The following HSPG2 variants were observed in gnomAD, a reference collection of about 807,000 sequenced individuals.
HSPG2 encodes heparan sulfate proteoglycan 2, also known as basement membrane-specific heparan sulfate proteoglycan core protein.
Under a neutral mutation model 526.6 loss-of-function variants are expected in HSPG2, and 278 were observed. That is an observed-to-expected ratio of 0.53 (90% CI 0.48 to 0.58). HSPG2 has a LOEUF of 0.58. Ranked by LOEUF, HSPG2 falls within the 20% of genes least tolerant of loss-of-function variation. The pLI is 0.00. For missense variants in HSPG2, 5,354 were observed against 6,099.5 expected (o/e 0.88, Z 4.07); for synonymous variants, 2,465 against 2,555.4 (o/e 0.96, Z 1.07).
At chr1:21,845,674 G>A (rs910561184) in intron 64 of HSPG2, among the ~76,000 whole-genome samples, 2 of 152,034 alleles carry the variant, frequency 1.3e-5, no homozygotes, top group Non-Finnish European at 2.9e-5. Context: ...CTACCACACC[G>A]GCTCTAATAA....
Position 21,829,986 on chromosome 1 carries a change from C to T in HSPG2, c.11770+7G>A, listed in dbSNP as rs1318343177. On this transcript the variant is annotated splice_region_variant and intron_variant, in intron 86 of 96. Transcript: ENST00000374695. ...ACCCTGGGGGTCTCAGGCCTGGCTC[C>T]CCTCACCTTCCTCACACCGCAACCC... 1 of 1,603,042 alleles carries T rather than the reference C, an allele frequency of 6.2e-7. No homozygotes were observed. Among genetic ancestry groups the T allele is most frequent in the East Asian group, 2.2e-5 (1 of 44,538 alleles).
At chr1:21,863,967 C>T (rs1271695107) in intron 37 of HSPG2, 133 bp downstream of exon 37, 3 of 733,156 alleles carry the variant, frequency 4.1e-6, no homozygotes, top group Non-Finnish European at 7.3e-6. Flanking sequence ...GGCCTGCTGA[C>T]CCAGGTGCTT....
Position 21,865,331 on chromosome 1 carries a change from G to T in HSPG2, c.4349C>A (p.Ala1450Glu). The T allele has an allele frequency of 1.2e-6, 2 of 1,614,110 alleles. No homozygotes were observed. Among genetic ancestry groups the T allele is most frequent in the South Asian group, 2.2e-5 (2 of 91,088 alleles). Residue 1450 changes from alanine (A) to glutamate (E), a missense_variant, in exon 35 of 97, where the codon GCG becomes GAG. Coordinates refer to ENST00000374695, the MANE Select transcript of HSPG2 (RefSeq NM_005529.7). The surrounding 1 kb of genome is among the most constrained non-coding windows in gnomAD (Gnocchi z 5.4). ...GCTCCTCCTCTCAGGGCCCTGCAGC[G>T]CTGGCTGGGAGGCCACTAGCATGAT... The part of the protein sequence containing the change: ...NNIMLVASQP[A>E]LQGPERRSYE...
chr1:21,876,520 G>T lies in HSPG2; in HGVS notation c.2818C>A (p.Arg940Ser). The T allele has an allele frequency of 6.2e-7, 1 of 1,614,158 alleles. No individual in the cohort carries two copies. Among genetic ancestry groups the T allele is most frequent in the Non-Finnish European group, 8.5e-7 (1 of 1,180,014 alleles). Residue 940 changes from arginine to serine, a missense_variant, in exon 22 of 97, where the codon CGT becomes AGT. Arg to Ser is a moderately radical substitution (Grantham distance 110). Coordinates refer to ENST00000374695, the MANE Select transcript of HSPG2 (RefSeq NM_005529.7). ...CCACCTTGCAGAGGTACCTGGGCAC[G>T]GCTCCATGAAGAGCTGGTGCAGTGG... ...SRHCTSSSWS[R>S]AQLHGASEEP...
intron 1 of HSPG2, among the ~76,000 whole-genome samples, chr1:21,934,085 C>T (rs565555431): frequency 1.3e-5 from 2 of 152,334 alleles, no homozygotes; most frequent in African/African-American, 2.4e-5. Context: ...CACCCAGGCC[C>T]AGCCCCCTCC....
At chr1:21,891,260 TA>T (rs959188147) in intron 3 of HSPG2, among the ~76,000 whole-genome samples, 2 of 152,258 alleles carry the variant, frequency 1.3e-5, no homozygotes, top group African/African-American at 4.8e-5. Flanking sequence ...TTGTGAGTTC[TA>T]AGGTCAGCCA....
In HSPG2 at chr1:21,855,383, A is replaced by G. The variant is rs1639254225; in HGVS notation, c.5918T>C (p.Val1973Ala). 1 of 1,612,800 alleles carries G rather than the reference A, an allele frequency of 6.2e-7. No homozygotes were observed. The highest frequency in any genetic ancestry group is 8.5e-7 in the Non-Finnish European group (1 of 1,179,752). The change falls in exon 47 of 97, where the codon GTC becomes GCC. Residue 1973 changes from valine (V) to alanine (A), a missense_variant. By Grantham distance (64) the Val-to-Ala change is moderately conservative. Coordinates refer to ENST00000374695, the MANE Select transcript of HSPG2 (RefSeq NM_005529.7). Reference sequence around the variant, plus strand: ...GCCTGCAGCCCTGCAGTACAGCCTGACGGTGCGGCCTGCGTGGACCTGGGT... The same window carrying G: ...GCCTGCAGCCCTGCAGTACAGCCTGGCGGTGCGGCCTGCGTGGACCTGGGT... Reference protein sequence around the residue: ...ERTQVHAGRTVRLYCRAAGVP... With the variant: ...ERTQVHAGRTARLYCRAAGVP...
rs765097470 is a variant in HSPG2, at chr1:21,841,051, G to A, written c.9513+50C>T. On this transcript the variant is annotated intron_variant, in intron 71 of 96. Coordinates refer to ENST00000374695, the MANE Select transcript of HSPG2 (RefSeq NM_005529.7). ...TATCTCCTCCAAGCACCCGCTCAAGGCTGGGCCATGGACTGGGCCTCAGAC... is the reference window on the plus strand; with the variant it reads ...TATCTCCTCCAAGCACCCGCTCAAGACTGGGCCATGGACTGGGCCTCAGAC... 6 of 1,538,966 alleles carry A rather than the reference G, an allele frequency of 3.9e-6. No homozygotes were observed. In the South Asian group the frequency reaches 7.1e-5, roughly 18 times the overall value.
intron 1 of HSPG2, among the ~76,000 whole-genome samples, chr1:21,935,000 GGGTTC>G (rs1416588328): frequency 6.6e-6 from 1 of 151,916 alleles, no homozygotes; most frequent in African/African-American, 2.4e-5. Context: ...TCCGCCTCCT[GGGTTC>G]AAGCGATTCT....
chr1:21,835,850 G>A (rs2098024314), intron 75 of HSPG2, among the ~76,000 whole-genome samples: 1 of 152,098 alleles, frequency 6.6e-6, no homozygotes, highest in South Asian at 2.1e-4. Context: ...CAGGCGTGGT[G>A]GCACACGCCT....
rs773458540 is a variant in HSPG2 at position 21,835,512 on chromosome 1, T to C, written c.10453+28A>G. 4.7e-6 allele frequency: 7 copies of C among 1,480,734 alleles called. No individual in the cohort carries two copies. The East Asian group carries it at 1.4e-4, about 29-fold the overall frequency. The allele number at this position is 1,480,734 out of a possible 1,614,324, so 91.7% of individuals were successfully genotyped here. ...CTTTCTCATCTCTGTTCCCTGCTCTTAGCAGAGGCCTGAAGCCACCCTCCT... is the reference window on the plus strand; with the variant it reads ...CTTTCTCATCTCTGTTCCCTGCTCTCAGCAGAGGCCTGAAGCCACCCTCCT... On this transcript the variant is annotated intron_variant, in intron 76 of 96. Transcript: ENST00000374695.
chr1:21,874,132 G>A (rs1640868777), intron 28 of HSPG2, 121 bp from the exon 29 acceptor site: 3 of 890,550 alleles, frequency 3.4e-6, no homozygotes, highest in Non-Finnish European at 5.3e-6. Context: ...TGTGTCCTCA[G>A]TGCCACTGCA....
Position 21,867,371 on chromosome 1 carries a change from C to T in HSPG2, c.4222-1562G>A, listed in dbSNP as rs1005552995. Among the ~76,000 whole-genome samples, 25 of 152,058 alleles carry T rather than the reference C, an allele frequency of 1.6e-4. 1 individual carries two copies. The highest frequency in any genetic ancestry group is 6.0e-4 in the African/African-American group (25 of 41,390). ...AAGTGCTGGGATTATAGGTGTGAGC[C>T]ATTGTACCCAGATCCAGCATAGTGA... is the stretch of plus-strand genomic sequence containing the variant. On this transcript the variant is annotated intron_variant, in intron 33 of 96. Coordinates refer to ENST00000374695, the MANE Select transcript of HSPG2 (RefSeq NM_005529.7).
rs888286701 is a variant in HSPG2 at position 21,839,117 on chromosome 1, G to T, written c.9890-32C>A. ...GGGGGGACACAGAGGTCAGGATTGG[G>T]GAGGGCAAAGGTCAGAATGGCAGCA... On this transcript the variant is annotated intron_variant, in intron 73 of 96. Coordinates refer to ENST00000374695, the MANE Select transcript of HSPG2 (RefSeq NM_005529.7). This position sits in a 1 kb window ranked among gnomAD's most constrained non-coding sequence, Gnocchi z 4.5. 1.3e-6 allele frequency: 2 copies of T among 1,558,668 alleles called. No homozygotes were observed. The highest frequency in any genetic ancestry group is 1.7e-6 in the Non-Finnish European group (2 of 1,149,620).
intron 1 of HSPG2, among the ~76,000 whole-genome samples, chr1:21,927,738 G>A (rs1027060310): frequency 6.6e-6 from 1 of 152,194 alleles, no homozygotes; most frequent in African/African-American, 2.4e-5. Flanking sequence ...AGCAATCAGG[G>A]TGGAAGGATG....
At chr1:21,854,488 C>T in intron 49 of HSPG2, 123 bp downstream of exon 49, 1 of 1,453,884 alleles carries the variant, frequency 6.9e-7, no homozygotes, top group South Asian at 1.3e-5. Context: ...GGAGATGAGG[C>T]CTGGCTTCTG....
In HSPG2 at chr1:21,839,973, A is replaced by T; in HGVS notation, c.9558T>A (p.Leu3186=). The change falls in exon 72 of 97, where the codon CTT becomes CTA. Residue 3186 remains leucine (L), a synonymous_variant. Coordinates refer to ENST00000374695, the MANE Select transcript of HSPG2 (RefSeq NM_005529.7). This position sits in a 1 kb window ranked among gnomAD's most constrained non-coding sequence, Gnocchi z 4.5. Reference sequence around the variant, plus strand: ...GTGCTGTGCCTAGTGCATTCTGAGCAAGGCACACATAAGTGCCCGCATCTG... The same window carrying T: ...GTGCTGTGCCTAGTGCATTCTGAGCTAGGCACACATAAGTGCCCGCATCTG... The part of the protein sequence containing the change: ...KPSDAGTYVC[L]AQNALGTAQK... 1 of 1,614,198 alleles carries T rather than the reference A, an allele frequency of 6.2e-7. No individual in the cohort carries two copies. Among genetic ancestry groups the T allele is most frequent in the Non-Finnish European group, 8.5e-7 (1 of 1,180,042 alleles).
chr1:21,854,877 T>C lies in HSPG2; in HGVS notation c.6104A>G (p.Gln2035Arg). Reference sequence around the variant, plus strand: ...AAGGACAACCACTTGGATCCGGGCCTGGGCAGTGCCTGCAGGGCTGGTGGC... The same window carrying C: ...AAGGACAACCACTTGGATCCGGGCCCGGGCAGTGCCTGCAGGGCTGGTGGC... ...CVATSPAGTA[Q>R]ARIQVVVLSA... is the part of the protein sequence containing the mutation. Residue 2035 changes from glutamine (Q) to arginine (R), a missense_variant, in exon 48 of 97, where the codon CAG becomes CGG. Physicochemically the swap from Gln to Arg is conservative, Grantham distance 43 (BLOSUM62 1). Transcript: ENST00000374695. The C allele has an allele frequency of 6.2e-7, 1 of 1,614,102 alleles. No individual in the cohort carries two copies. Among genetic ancestry groups the C allele is most frequent in the Non-Finnish European group, 8.5e-7 (1 of 1,180,000 alleles).
intron 13 of HSPG2, among the ~76,000 whole-genome samples, chr1:21,883,539 G>C (rs116197634): frequency 6.6e-6 from 1 of 152,000 alleles, no homozygotes; most frequent in Non-Finnish European, 1.5e-5. Flanking sequence ...TACCCAGGCT[G>C]GTCTTGAACT....
Sources: gnomAD v4.1 joint callset for allele counts (sites outside exome capture counted in the v4.1 genomes callset) on GRCh38, gnomAD v4.1.1 for gene constraint, Gnocchi (gnomAD v3.1) non-coding constraint, MANE v1.5 for transcripts, NCBI Gene and HGNC (gene_info 2026-07-23, HGNC 2026-07-21) for gene names.